Variants in LRP1B observed in about 807,000 individuals in gnomAD.
The protein encoded by LRP1B is low-density lipoprotein receptor-related protein 1B.
In LRP1B, 217 loss-of-function variants were observed where a neutral mutation model predicts 556.6. The observed-to-expected ratio is 0.39, with a 90% confidence interval of 0.35 to 0.44. The LOEUF is 0.44. Ranked by LOEUF, LRP1B falls within the 20% of genes least tolerant of loss-of-function variation. The probability of loss-of-function intolerance (pLI) is 1.00; values close to 1 mark genes in which losing one functional copy is unlikely to be tolerated. For synonymous variants in LRP1B, 2,047 were observed against 1,865.8 expected (o/e 1.10, Z -2.50); for missense variants, 5,053 against 5,620.8 (o/e 0.90, Z 3.23).
Position 140,335,668 on chromosome 2 carries a change from G to A in LRP1B, c.12063C>T (p.Leu4021=), listed in dbSNP as rs756124422. The change falls in exon 78 of 91, where the codon CTC becomes CTT. Residue 4021 remains leucine, a synonymous_variant. Coordinates refer to ENST00000389484, the MANE Select transcript of LRP1B (RefSeq NM_018557.3). ...AGGGTTCTCCAGCCATATTTGTTAA[G>A]AGTCTGGTGCAGTTGGGGCCATTCA... ...GQLNGPNCTR[L]LTNMAGEPYA... 1.9e-6 allele frequency: 3 copies of A among 1,612,782 alleles called. No individual in the cohort carries two copies. Among genetic ancestry groups the A allele is most frequent in the Non-Finnish European group, 2.5e-6 (3 of 1,179,120 alleles).
chr2:140,868,886 C>T (rs560307170), intron 25 of LRP1B, among the ~76,000 whole-genome samples: 9 of 152,080 alleles, frequency 5.9e-5, no homozygotes, highest in Non-Finnish European at 1.0e-4. Context: ...ATAGTGACAG[C>T]GACAGGAGAC....
intron 41 of LRP1B, among the ~76,000 whole-genome samples, chr2:140,608,301 G>A (rs138723595): frequency 7.2e-4 from 109 of 152,272 alleles, no homozygotes; most frequent in Non-Finnish European, 1.2e-3. Flanking sequence ...GCCAGTCCAA[G>A]TGGCTGCTAA....
At chr2:140,483,982 A>G (rs1446919668) in intron 59 of LRP1B, among the ~76,000 whole-genome samples, 1 of 152,156 alleles carries the variant, frequency 6.6e-6, no homozygotes, top group Non-Finnish European at 1.5e-5. Context: ...TATCCAAGAA[A>G]TTGAAATATT....
intron 6 of LRP1B, 118 bp from the exon 7 acceptor site, chr2:141,188,701 T>TA: frequency 1.2e-6 from 1 of 830,718 alleles, no homozygotes; most frequent in Non-Finnish European, 1.8e-6. Context: ...TAGACATTTT[T>TA]ATGAAAAGAA....
intron 1 of LRP1B, among the ~76,000 whole-genome samples, chr2:141,972,099 G>T (rs1377326815): frequency 6.6e-6 from 1 of 151,566 alleles, no homozygotes; most frequent in Middle Eastern, 3.4e-3. Context: ...ATAACTTGAT[G>T]TTTGCAACTA....
At chr2:140,986,162 A>G (rs954720835) in intron 17 of LRP1B, among the ~76,000 whole-genome samples, 2 of 151,046 alleles carry the variant, frequency 1.3e-5, no homozygotes, top group Non-Finnish European at 3.0e-5. Context: ...CTTTATTTTT[A>G]AATTCATTTT....
chr2:140,786,458 G>C (rs1414782756), intron 32 of LRP1B, among the ~76,000 whole-genome samples: 2 of 152,202 alleles, frequency 1.3e-5, no homozygotes, highest in African/African-American at 4.8e-5. Context: ...ATCAGAGGTG[G>C]ATATGTTTGC....
At chr2:140,651,929 T>A (rs1055183863) in intron 41 of LRP1B, among the ~76,000 whole-genome samples, 1 of 152,082 alleles carries the variant, frequency 6.6e-6, no homozygotes, top group African/African-American at 2.4e-5. Context: ...AAAGGGAAAA[T>A]GAACTTCATT....
At chr2:140,868,290 A>G (rs1693016983) in intron 25 of LRP1B, 27 bp from the exon 26 acceptor site, 1 of 1,504,506 alleles carries the variant, frequency 6.6e-7, no homozygotes, top group East Asian at 2.4e-5. Flanking sequence ...AAAAAGAAAT[A>G]ATACTATTGT....
intron 3 of LRP1B, among the ~76,000 whole-genome samples, chr2:141,275,644 T>C (rs1341486148): frequency 1.3e-5 from 2 of 152,270 alleles, no homozygotes; most frequent in African/African-American, 2.4e-5. Context: ...GCCCAGAAGG[T>C]TGACGCTGCA....
chr2:141,337,582 A>G (rs967590990), intron 3 of LRP1B, among the ~76,000 whole-genome samples: 15 of 152,130 alleles, frequency 9.9e-5, no homozygotes, highest in Non-Finnish European at 1.8e-4. Context: ...AATTCAATGT[A>G]TTTAGTTTTT....
At chr2:142,022,827 C>T (rs114077923) in intron 1 of LRP1B, among the ~76,000 whole-genome samples, 4,080 of 152,178 alleles carry the variant, frequency 0.027, 76 homozygotes, top group Non-Finnish European at 0.04. Flanking sequence ...CGTGCCATCA[C>T]GCCCGGCTAA....
chr2:141,912,421 C>T (rs938489338), intron 1 of LRP1B, among the ~76,000 whole-genome samples: 2 of 152,100 alleles, frequency 1.3e-5, no homozygotes, highest in African/African-American at 4.8e-5. Context: ...TCAACACTAT[C>T]GCAGCAAAAG....
intron 1 of LRP1B, among the ~76,000 whole-genome samples, chr2:141,895,965 A>ATTTAAGTATT (rs6146948): frequency 0.85 from 129,076 of 151,310 alleles, 55,330 homozygotes; most frequent in East Asian, 1. Context: ...TTTAGAAAAT[A>ATTTAAGTATT]TTTAAGTATT....
At chr2:140,487,825 TC>T in intron 57 of LRP1B, 86 bp from the exon 58 acceptor site, 2 of 845,156 alleles carry the variant, frequency 2.4e-6, no homozygotes, top group South Asian at 3.5e-5. Context: ...ATCACTGTCT[TC>T]CTTTGAAACT....
At chr2:140,542,274 C>A (rs1457797865) in intron 43 of LRP1B, among the ~76,000 whole-genome samples, 1 of 151,712 alleles carries the variant, frequency 6.6e-6, no homozygotes. Context: ...ATCAACAAGC[C>A]AAAATATTAG....
intron 87 of LRP1B, among the ~76,000 whole-genome samples, chr2:140,240,895 A>G (rs1680920060): frequency 1.3e-5 from 2 of 150,956 alleles, no homozygotes; most frequent in Non-Finnish European, 3.0e-5. Flanking sequence ...AAATATATAG[A>G]TATGTTTTAA....
At chr2:140,618,086 A>G (rs147028037) in intron 41 of LRP1B, among the ~76,000 whole-genome samples, 26 of 151,980 alleles carry the variant, frequency 1.7e-4, no homozygotes, top group Middle Eastern at 3.4e-3. Context: ...AAAATTTACT[A>G]TTCGGTTATA....
intron 2 of LRP1B, among the ~76,000 whole-genome samples, chr2:141,743,086 C>T (rs1319566668): frequency 1.3e-5 from 2 of 151,262 alleles, no homozygotes; most frequent in Non-Finnish European, 3.0e-5. Context: ...TGTGGATGCC[C>T]CTTATTTCTT....
Sources: gnomAD v4.1 joint callset for allele counts (sites outside exome capture counted in the v4.1 genomes callset) on GRCh38, gnomAD v4.1.1 for gene constraint, MANE v1.5 for transcripts, NCBI Gene and HGNC (gene_info 2026-07-23, HGNC 2026-07-21) for gene names.